The following FOXP1 variants were observed in gnomAD, a reference collection of about 807,000 sequenced individuals.
FOXP1 encodes forkhead box protein P1.
Under a neutral mutation model 98.2 loss-of-function variants are expected in FOXP1, and 15 were observed. That is an observed-to-expected ratio of 0.15 (90% CI 0.10 to 0.24). The LOEUF (loss-of-function observed/expected upper bound fraction) is 0.24. FOXP1 is among the 10% of genes least tolerant of loss of function. The pLI is 1.00. For missense variants in FOXP1, 633 were observed against 848.5 expected (o/e 0.75, Z 3.15); for synonymous variants, 371 against 314.5 (o/e 1.18, Z -1.90).
chr3:71,480,576 T>C (rs1182412708), intron 3 of FOXP1, among the ~76,000 whole-genome samples: 2 of 152,204 alleles, frequency 1.3e-5, no homozygotes, highest in African/African-American at 4.8e-5. Flanking sequence ...CAATAAAACA[T>C]ATCTCTATGA....
At chr3:71,520,710 G>C (rs2042916386) in intron 2 of FOXP1, among the ~76,000 whole-genome samples, 1 of 152,226 alleles carries the variant, frequency 6.6e-6, no homozygotes, top group Non-Finnish European at 1.5e-5. Flanking sequence ...TCAGAAACCT[G>C]TCGGTCTTGT....
chr3:71,191,847 A>C (rs2062998554), intron 6 of FOXP1, among the ~76,000 whole-genome samples: 1 of 152,206 alleles, frequency 6.6e-6, no homozygotes, highest in Non-Finnish European at 1.5e-5. Flanking sequence ...TACGGTTATC[A>C]CTAACATTTT....
rs952587348 is a variant in FOXP1 at position 71,286,608 on chromosome 3, T to A, written c.-12+13212A>T. The stretch of plus-strand genomic sequence containing the variant: ...ATTAAACAATGAAAGTATAAATGGC[T>A]CTCCTTTGAAAGATACAAAGTTCCT... On this transcript the variant is annotated intron_variant, in intron 5 of 20. Coordinates refer to ENST00000649528, the MANE Select transcript of FOXP1 (RefSeq NM_001349338.3). Among the ~76,000 whole-genome samples the A allele has an allele frequency of 2.6e-4, 40 of 152,076 alleles. 1 individual carries two copies. Among genetic ancestry groups the A allele is most frequent in the African/African-American group, 9.2e-4 (38 of 41,388 alleles).
At chr3:71,204,969 G>A (rs1198845672) in intron 5 of FOXP1, among the ~76,000 whole-genome samples, 2 of 152,172 alleles carry the variant, frequency 1.3e-5, no homozygotes, top group Non-Finnish European at 2.9e-5. Flanking sequence ...TGTGCTGACT[G>A]TGTTATGAAG....
intron 4 of FOXP1, among the ~76,000 whole-genome samples, chr3:71,347,144 A>G (rs915747955): frequency 1.3e-5 from 2 of 152,204 alleles, no homozygotes; most frequent in Non-Finnish European, 2.9e-5. Flanking sequence ...GAATTAATAG[A>G]ATCCAGAATG....
At chr3:71,129,615 C>T (rs1252527975) in intron 6 of FOXP1, among the ~76,000 whole-genome samples, 1 of 151,948 alleles carries the variant, frequency 6.6e-6, no homozygotes, top group East Asian at 1.9e-4. Flanking sequence ...ACCTGGCTTA[C>T]CAATTAAACT....
intron 3 of FOXP1, among the ~76,000 whole-genome samples, chr3:71,396,854 C>T (rs1372118871): frequency 4.9e-5 from 7 of 143,946 alleles, no homozygotes; most frequent in Admixed American, 4.2e-4. Context: ...ACTCCCTGTA[C>T]TTCAACTGTA....
intron 6 of FOXP1, among the ~76,000 whole-genome samples, chr3:71,159,491 T>A (rs1183836178): frequency 6.6e-6 from 1 of 152,284 alleles, no homozygotes; most frequent in East Asian, 1.9e-4. Context: ...AGCAAGTGAA[T>A]TGAGTAAGAT....
chr3:71,233,590 CTCT>C (rs869224410), intron 5 of FOXP1, among the ~76,000 whole-genome samples: 2 of 116,494 alleles, frequency 1.7e-5, no homozygotes, highest in African/African-American at 6.4e-5. Context: ...CCATGTTTGA[CTCT>C]TTTTTTTTTT....
intron 3 of FOXP1, among the ~76,000 whole-genome samples, chr3:71,482,813 G>A (rs2090380033): frequency 6.6e-6 from 1 of 151,322 alleles, no homozygotes; most frequent in South Asian, 2.1e-4. Flanking sequence ...TGGTTAGGAA[G>A]AGACTATAGT....
At chr3:71,322,159 C>T (rs1161834837) in intron 4 of FOXP1, among the ~76,000 whole-genome samples, 1 of 152,204 alleles carries the variant, frequency 6.6e-6, no homozygotes, top group Non-Finnish European at 1.5e-5. Context: ...CTTTAGGGAA[C>T]ACCATTCTGT....
chr3:71,017,546 G>A (rs1236574057), intron 11 of FOXP1, among the ~76,000 whole-genome samples: 1 of 150,516 alleles, frequency 6.6e-6, no homozygotes, highest in African/African-American at 2.4e-5. Context: ...ATACACACTT[G>A]ATAAGGCACG....
chr3:71,397,062 GTATATATATATACATATATATGTGTA>G lies in FOXP1; in HGVS notation c.-167-37844_-167-37819del, dbSNP rs1560425600. On this transcript the variant is annotated intron_variant, in intron 3 of 20. Coordinates refer to ENST00000649528, the MANE Select transcript of FOXP1 (RefSeq NM_001349338.3). ...TATATATATATACACATATATATGTGTATATATATATACATATATATGTGTATATATATATATACATATATATATAT... is the reference window on the plus strand; with the variant it reads ...TATATATATATACACATATATATGTGTATATATATATACATATATATATAT... Among the ~76,000 whole-genome samples the G allele has an allele frequency of 2.4e-3, 150 of 63,544 alleles. 23 individuals are homozygous for G. In the East Asian group the frequency reaches 0.024, roughly 10 times the overall value. 41.7% of individuals were successfully genotyped at this position (63,544 alleles called of 152,430 possible). A position where few individuals can be genotyped will look rare whatever the true frequency, so the allele number is the denominator to read the frequency against.
intron 6 of FOXP1, among the ~76,000 whole-genome samples, chr3:71,127,573 G>A (rs2059301649): frequency 6.6e-6 from 1 of 152,108 alleles, no homozygotes; most frequent in Non-Finnish European, 1.5e-5. Flanking sequence ...TTTCTTCATG[G>A]TAAAACACTT....
intron 18 of FOXP1, chr3:70,972,252 T>A (rs1378719894): frequency 7.7e-7 from 1 of 1,296,474 alleles, no homozygotes; most frequent in East Asian, 2.5e-5. Context: ...AGAACAGACA[T>A]CCAATACAGG....
intron 6 of FOXP1, among the ~76,000 whole-genome samples, chr3:71,131,768 G>C (rs2059584785): frequency 6.6e-6 from 1 of 152,200 alleles, no homozygotes; most frequent in Non-Finnish European, 1.5e-5. Flanking sequence ...TAAAAATGAA[G>C]AGAACAGCAT....
intron 2 of FOXP1, among the ~76,000 whole-genome samples, chr3:71,565,865 A>G (rs2046873063): frequency 6.6e-6 from 1 of 152,196 alleles, no homozygotes; most frequent in Non-Finnish European, 1.5e-5. Context: ...CTGGGTGATC[A>G]CAGAGCAATA....
chr3:71,387,551 C>T (rs1864899), intron 3 of FOXP1, among the ~76,000 whole-genome samples: 32,126 of 152,168 alleles, frequency 0.21, 4,510 homozygotes, highest in African/African-American at 0.39. Flanking sequence ...AACCACTTCA[C>T]ACCTGAATGA....
intron 14 of FOXP1, among the ~76,000 whole-genome samples, chr3:70,980,104 C>T (rs1486742907): frequency 6.6e-6 from 1 of 152,102 alleles, no homozygotes; most frequent in Non-Finnish European, 1.5e-5. Flanking sequence ...TGTTGGAAAC[C>T]TGGCTTTCTG....
Sources: allele counts gnomAD v4.1 joint callset (sites outside exome capture counted in the v4.1 genomes callset), GRCh38; gene constraint gnomAD v4.1.1; transcripts MANE v1.5; gene names NCBI Gene and HGNC (gene_info 2026-07-23, HGNC 2026-07-21).